Variants in HEXB observed in about 807,000 individuals in gnomAD.
HEXB encodes hexosaminidase subunit beta, also known as beta-hexosaminidase subunit beta.
Under a neutral mutation model 71.2 loss-of-function variants are expected in HEXB, and 51 were observed. The ratio of observed to expected loss-of-function variants is 0.72; its 90% CI spans 0.57 to 0.90. The LOEUF is 0.90. Among genes scored for constraint, HEXB ranks in the 40% least tolerant of loss-of-function variants. HEXB has a pLI of 0.00. For synonymous variants in HEXB, 266 were observed against 249.3 expected (o/e 1.07, Z -0.63); for missense variants, 617 against 677.0 (o/e 0.91, Z 0.98).
intron 1 of HEXB, among the ~76,000 whole-genome samples, chr5:74,676,770 A>G (rs532159128): frequency 2.0e-5 from 3 of 152,302 alleles, no homozygotes; most frequent in South Asian, 2.1e-4. Context: ...CTCAAAAAAA[A>G]GGGGAGCGGT....
chr5:74,646,859 G>C lies in HEXB; in HGVS notation c.-377+6301G>C, dbSNP rs374634582. The stretch of plus-strand genomic sequence containing the variant: ...TGGGATTACAGGCGTGAGCCACCAC[G>C]CCCGGCAACAATTCATTCTTCATTC... On this transcript the variant is annotated intron_variant, in intron 1 of 13. Transcript: ENST00000511181. Among the ~76,000 whole-genome samples, 3 of 152,014 alleles carry C rather than the reference G, an allele frequency of 2.0e-5. 1 individual carries two copies. The South Asian group carries it at 6.2e-4, about 32-fold the overall frequency.
At chr5:74,683,427 C>T (rs748695473), upstream of HEXB, among the ~76,000 whole-genome samples, 2 of 152,082 alleles carry the variant, frequency 1.3e-5, no homozygotes, top group African/African-American at 4.8e-5. Flanking sequence ...CCTCAGCCAC[C>T]CAAGTAGCTG....
rs572625618 is a variant in HEXB at position 74,652,095 on chromosome 5, C to T, written c.-377+11537C>T. The stretch of plus-strand genomic sequence containing the variant: ...ACTCAACTCTGGCATGAGATGTCTA[C>T]GTGGAAATTAAAATGATGAACTCTT... On this transcript the variant is annotated intron_variant, in intron 1 of 13. Coordinates refer to the HEXB transcript ENST00000511181. The surrounding 1 kb of genome is among the most constrained non-coding windows in gnomAD (Gnocchi z 5.4). Among the ~76,000 whole-genome samples the T allele has an allele frequency of 1.9e-4, 29 of 152,248 alleles. No homozygotes were observed. Among genetic ancestry groups the T allele is most frequent in the East Asian group, 3.9e-4 (2 of 5,184 alleles).
intron 1 of HEXB, among the ~76,000 whole-genome samples, chr5:74,674,623 A>G (rs1748599668): frequency 1.4e-5 from 2 of 141,478 alleles, no homozygotes; most frequent in African/African-American, 5.1e-5. Flanking sequence ...AAAAAAAAAG[A>G]AGAAGAAGAA....
In HEXB at chr5:74,718,972, G is replaced by C. The variant is rs1309702420; in HGVS notation, c.1417+1G>C. On this transcript the variant is annotated splice_donor_variant, in intron 11 of 13. Coordinates refer to ENST00000261416, the MANE Select transcript of HEXB (RefSeq NM_000521.4). LOFTEE classifies it high-confidence loss of function. ...AAAGTGGAACCTCTTGATTTTGGCG[G>C]TAAGTGAAGCAGTTGGTCCAAGTGT... 1 of 1,613,834 alleles carries C rather than the reference G, an allele frequency of 6.2e-7. No individual in the cohort carries two copies. The highest frequency in any genetic ancestry group is 8.5e-7 in the Non-Finnish European group (1 of 1,179,886).
upstream of HEXB, among the ~76,000 whole-genome samples, chr5:74,684,418 TGATAG>T (rs1336727974): frequency 1.3e-5 from 2 of 152,236 alleles, no homozygotes; most frequent in African/African-American, 2.4e-5. Context: ...CAGGGAGTTC[TGATAG>T]GAAGGCTTTA....
chr5:74,699,275 C>CT lies in HEXB; in HGVS notation c.669+2177dup, dbSNP rs1453542173. 4.1e-3 allele frequency among the ~76,000 whole-genome samples: 628 copies of CT among 151,766 alleles called. 1 individual carries two copies. Among genetic ancestry groups the CT allele is most frequent in the Admixed American group, 6.9e-3 (105 of 15,226 alleles). On this transcript the variant is annotated intron_variant, in intron 5 of 13. Coordinates refer to ENST00000261416, the MANE Select transcript of HEXB (RefSeq NM_000521.4). ...CTGTACTTTTGCTACCCCCCACCCC[C>CT]TTTTTTTTCTTTTTGTGAGACAGAG...
In HEXB at chr5:74,714,562, G is replaced by A. The variant is rs536785184; in HGVS notation, c.901+927G>A. ...AGCAGAGTAGGAGGCATTATAGGGT[G>A]GTGATTAAGAACTTTGGCTTTGGAG... On this transcript the variant is annotated intron_variant, in intron 7 of 13. Transcript: ENST00000261416. Among the ~76,000 whole-genome samples, 4 of 152,258 alleles carry A rather than the reference G, an allele frequency of 2.6e-5. No homozygotes were observed. The South Asian group carries it at 8.3e-4, about 32-fold the overall frequency.
chr5:74,685,426 C>G lies in HEXB; in HGVS notation c.166C>G (p.Leu56Val). 6.2e-7 allele frequency: 1 copy of G among 1,603,192 alleles called. No individual in the cohort carries two copies. Among genetic ancestry groups the G allele is most frequent in the Non-Finnish European group, 8.5e-7 (1 of 1,176,334 alleles). ...CGTCTCGGCCAAGCCGGGGCCGGCG[C>G]TGTGGCCCCTGCCGCTCTTGGTGAA... is the stretch of plus-strand genomic sequence containing the variant. Reference protein sequence around the residue: ...PSVSAKPGPALWPLPLLVKMT... With the variant: ...PSVSAKPGPAVWPLPLLVKMT... The change falls in exon 1 of 14, where the codon CTG becomes GTG. Residue 56 changes from leucine (L) to valine (V), a missense_variant. Coordinates refer to ENST00000261416, the MANE Select transcript of HEXB (RefSeq NM_000521.4).
chr5:74,708,960 A>G (rs1339248534), intron 6 of HEXB, among the ~76,000 whole-genome samples: 1 of 151,612 alleles, frequency 6.6e-6, no homozygotes, highest in East Asian at 1.9e-4. Context: ...CATCTACAGA[A>G]CTCTCCACCC....
chr5:74,706,686 G>A (rs906358221), intron 6 of HEXB, among the ~76,000 whole-genome samples: 3 of 152,284 alleles, frequency 2.0e-5, no homozygotes, highest in African/African-American at 4.8e-5. Context: ...ACGGAGTCTC[G>A]CTGATTGCTA....
intron 1 of HEXB, among the ~76,000 whole-genome samples, chr5:74,657,120 C>T (rs1429745270): frequency 6.6e-6 from 1 of 152,178 alleles, no homozygotes; most frequent in Non-Finnish European, 1.5e-5. Flanking sequence ...AACACAGAAC[C>T]TCCCAGACTG....
intron 1 of HEXB, among the ~76,000 whole-genome samples, chr5:74,660,033 CA>C (rs768708624): frequency 6.6e-6 from 1 of 151,690 alleles, no homozygotes; most frequent in Non-Finnish European, 1.5e-5. Flanking sequence ...CTTTACTCAG[CA>C]AGAAGCAAAG....
intron 1 of HEXB, among the ~76,000 whole-genome samples, chr5:74,679,798 CAAAAAAAAAAAA>C (rs70976121): frequency 8.5e-4 from 33 of 38,890 alleles, no homozygotes; most frequent in African/African-American, 3.7e-3. Flanking sequence ...GACTCCGTCT[CAAAAAAAAAAAA>C]AAAAAAAAAA....
chr5:74,689,724 T>C (rs1748954842), intron 2 of HEXB: 2 of 509,294 alleles, frequency 3.9e-6, no homozygotes, highest in Non-Finnish European at 7.0e-6. Flanking sequence ...TTAATCACTG[T>C]CATTTTAGGT....
intron 1 of HEXB, among the ~76,000 whole-genome samples, chr5:74,677,712 G>T (rs1349844343): frequency 6.6e-6 from 1 of 151,508 alleles, no homozygotes; most frequent in Non-Finnish European, 1.5e-5. Context: ...TATTTTTTAT[G>T]CTTTATTCCA....
At chr5:74,647,090 A>G (rs963332768) in intron 1 of HEXB, among the ~76,000 whole-genome samples, 1 of 152,168 alleles carries the variant, frequency 6.6e-6, no homozygotes, top group African/African-American at 2.4e-5. Context: ...TCAGAATCAC[A>G]CAAGGCCTCT....
At chr5:74,710,082 A>G (rs1446196332) in intron 6 of HEXB, among the ~76,000 whole-genome samples, 3 of 152,188 alleles carry the variant, frequency 2.0e-5, no homozygotes, top group Non-Finnish European at 4.4e-5. Flanking sequence ...CAAAAAGCTT[A>G]TCCACCATGA....
chr5:74,652,873 G>T lies in HEXB; in HGVS notation c.-377+12315G>T, dbSNP rs1748146504. On this transcript the variant is annotated intron_variant, in intron 1 of 13. Coordinates refer to the HEXB transcript ENST00000511181. This position sits in a 1 kb window ranked among gnomAD's most constrained non-coding sequence, Gnocchi z 5.4. ...GCAAGGGGGAAAAGCCTCCCTCTTG[G>T]GCGACTACACACATCTACGCTAGTG... is the stretch of plus-strand genomic sequence containing the variant. Among the ~76,000 whole-genome samples the T allele has an allele frequency of 6.6e-6, 1 of 152,060 alleles. No homozygotes were observed. Among genetic ancestry groups the T allele is most frequent in the African/African-American group, 2.4e-5 (1 of 41,386 alleles).
Sources: gnomAD v4.1 joint callset for allele counts (sites outside exome capture counted in the v4.1 genomes callset) on GRCh38, gnomAD v4.1.1 for gene constraint, Gnocchi (gnomAD v3.1) non-coding constraint, MANE v1.5 for transcripts, NCBI Gene and HGNC (gene_info 2026-07-23, HGNC 2026-07-21) for gene names.